Variants in NRXN1 observed in about 807,000 individuals in gnomAD.
The protein encoded by NRXN1 is neurexin-1.
Under a neutral mutation model 150.9 loss-of-function variants are expected in NRXN1, and 39 were observed. That is an observed-to-expected ratio of 0.26 (90% CI 0.20 to 0.34). The LOEUF (loss-of-function observed/expected upper bound fraction) is 0.34. Among genes scored for constraint, NRXN1 ranks in the 10% least tolerant of loss-of-function variants. NRXN1 has a pLI of 1.00. For missense variants in NRXN1, 1,815 were observed against 1,949.9 expected (o/e 0.93, Z 1.30); for synonymous variants, 924 against 757.0 (o/e 1.22, Z -3.62).
intron 5 of NRXN1, among the ~76,000 whole-genome samples, chr2:50,757,271 C>T (rs942789955): frequency 5.3e-5 from 8 of 151,634 alleles, no homozygotes; most frequent in East Asian, 3.9e-4. Context: ...ATAGCATATA[C>T]GCAGACCGCC....
intron 17 of NRXN1, among the ~76,000 whole-genome samples, chr2:50,340,805 T>G (rs1157453996): frequency 6.6e-6 from 1 of 152,148 alleles, no homozygotes; most frequent in Admixed American, 6.5e-5. Flanking sequence ...ATTGAGATTG[T>G]TAACATCTCA....
intron 17 of NRXN1, among the ~76,000 whole-genome samples, chr2:50,400,016 T>C (rs1208199826): frequency 6.6e-6 from 1 of 151,794 alleles, no homozygotes; most frequent in Non-Finnish European, 1.5e-5. Context: ...AAATGTCAGG[T>C]AGACGAGTAC....
chr2:50,531,169 G>A, intron 11 of NRXN1, 58 bp downstream of exon 11: 1 of 1,265,726 alleles, frequency 7.9e-7, no homozygotes, highest in Non-Finnish European at 1.1e-6. Context: ...AATGTTTGCA[G>A]GCAAATTGAA....
At chr2:49,949,240 G>A (rs1558564197) in intron 21 of NRXN1, among the ~76,000 whole-genome samples, 2 of 151,788 alleles carry the variant, frequency 1.3e-5, no homozygotes, top group Non-Finnish European at 1.5e-5. Flanking sequence ...TGGTTGGGGG[G>A]AATTTAGAGA....
intron 18 of NRXN1, among the ~76,000 whole-genome samples, chr2:50,232,238 C>A (rs1423879217): frequency 6.6e-6 from 1 of 152,040 alleles, no homozygotes; most frequent in African/African-American, 2.4e-5. Context: ...TACTAAACAA[C>A]CAGCTCATTT....
intron 16 of NRXN1, among the ~76,000 whole-genome samples, chr2:50,468,154 G>A (rs367780656): frequency 1.3e-5 from 2 of 151,600 alleles, no homozygotes; most frequent in East Asian, 3.9e-4. Flanking sequence ...AAGGTCAGAA[G>A]CAAGAACTAA....
intron 5 of NRXN1, among the ~76,000 whole-genome samples, chr2:50,849,205 T>A (rs1452885810): frequency 2.0e-5 from 3 of 152,214 alleles, no homozygotes; most frequent in Non-Finnish European, 4.4e-5. Context: ...GGTCTTAACC[T>A]TCCCTTCAAC....
intron 21 of NRXN1, among the ~76,000 whole-genome samples, chr2:50,037,400 T>G (rs2152573418): frequency 6.6e-6 from 1 of 152,322 alleles, no homozygotes; most frequent in East Asian, 1.9e-4. Flanking sequence ...CTTCTAACAC[T>G]ACTTTAATAT....
intron 17 of NRXN1, among the ~76,000 whole-genome samples, chr2:50,446,028 A>C (rs913865691): frequency 6.6e-6 from 1 of 152,184 alleles, no homozygotes; most frequent in Non-Finnish European, 1.5e-5. Flanking sequence ...CATAAAGCCT[A>C]AGATATTTAT....
intron 17 of NRXN1, among the ~76,000 whole-genome samples, chr2:50,387,908 C>A (rs377079275): frequency 2.0e-5 from 3 of 152,094 alleles, no homozygotes; most frequent in African/African-American, 7.2e-5. Flanking sequence ...AATATCAAAT[C>A]CACTAGGGGC....
rs1364185637 is a variant in NRXN1, at chr2:50,770,681, T to A, written c.833-147066A>T. 5.3e-5 allele frequency among the ~76,000 whole-genome samples: 8 copies of A among 152,202 alleles called. No homozygotes were observed. In the East Asian group the frequency reaches 1.4e-3, roughly 26 times the overall value. ...AATAAATTCAGCATATTCTTTTAAATTTTTTATTACTATTTTTCAAACACT... is the reference window on the plus strand; with the variant it reads ...AATAAATTCAGCATATTCTTTTAAAATTTTTATTACTATTTTTCAAACACT... On this transcript the variant is annotated intron_variant, in intron 5 of 22. Coordinates refer to ENST00000401669, the MANE Select transcript of NRXN1 (RefSeq NM_001330078.2).
intron 17 of NRXN1, among the ~76,000 whole-genome samples, chr2:50,455,086 G>C (rs80279103): frequency 0.056 from 8,501 of 152,256 alleles, 336 homozygotes; most frequent in Middle Eastern, 0.12. Flanking sequence ...CTGAATCAAA[G>C]AGTTGATGCC....
intron 5 of NRXN1, among the ~76,000 whole-genome samples, chr2:50,718,523 C>A (rs1005080631): frequency 1.3e-5 from 2 of 152,088 alleles, no homozygotes; most frequent in Non-Finnish European, 2.9e-5. Flanking sequence ...ATAAAGAAAC[C>A]AGAAACAGAA....
At chr2:50,530,628 T>G (rs1022226839) in intron 11 of NRXN1, among the ~76,000 whole-genome samples, 1 of 152,146 alleles carries the variant, frequency 6.6e-6, no homozygotes, top group African/African-American at 2.4e-5. Flanking sequence ...GTCTCTAGTG[T>G]TCTCATGGCT....
chr2:50,873,740 G>C (rs1211940193), intron 5 of NRXN1, among the ~76,000 whole-genome samples: 1 of 151,770 alleles, frequency 6.6e-6, no homozygotes, highest in Non-Finnish European at 1.5e-5. Context: ...TATTATTTCA[G>C]AAATTCCATA....
At chr2:50,426,655 T>C (rs1443641353) in intron 17 of NRXN1, among the ~76,000 whole-genome samples, 3 of 152,164 alleles carry the variant, frequency 2.0e-5, no homozygotes, top group Non-Finnish European at 2.9e-5. Flanking sequence ...AATCATCTAT[T>C]TCATTTTCCC....
intron 5 of NRXN1, among the ~76,000 whole-genome samples, chr2:50,742,872 A>G (rs1240311369): frequency 3.3e-5 from 5 of 152,124 alleles, no homozygotes; most frequent in Admixed American, 3.3e-4. Context: ...ACATTTTCAC[A>G]TTAAAGGTGA....
At chr2:50,316,199 G>C (rs2075591459) in intron 17 of NRXN1, among the ~76,000 whole-genome samples, 1 of 152,012 alleles carries the variant, frequency 6.6e-6, no homozygotes, top group Non-Finnish European at 1.5e-5. Context: ...GGGGGAAGAG[G>C]ATTTGGTGAA....
intron 5 of NRXN1, among the ~76,000 whole-genome samples, chr2:50,908,871 T>G (rs1244351650): frequency 2.0e-5 from 3 of 152,004 alleles, no homozygotes; most frequent in Non-Finnish European, 4.4e-5. Context: ...TCTCACCATG[T>G]GATGCCCTCC....
Sources: allele counts gnomAD v4.1 joint callset (sites outside exome capture counted in the v4.1 genomes callset), GRCh38; gene constraint gnomAD v4.1.1; transcripts MANE v1.5; gene names NCBI Gene and HGNC (gene_info 2026-07-23, HGNC 2026-07-21).